The following MGRN1 variants were observed in gnomAD, a reference collection of about 807,000 sequenced individuals.
MGRN1 encodes mahogunin ring finger 1, also known as E3 ubiquitin-protein ligase MGRN1.
Under a neutral mutation model 69.2 loss-of-function variants are expected in MGRN1, and 29 were observed. That is an observed-to-expected ratio of 0.42 (90% CI 0.31 to 0.57). The LOEUF is 0.57. MGRN1 is among the 20% of genes least tolerant of loss of function. The probability of loss-of-function intolerance (pLI) is 0.15; values close to 1 mark genes in which losing one functional copy is unlikely to be tolerated. For missense variants in MGRN1, 998 were observed against 796.2 expected (o/e 1.25, Z -3.05); for synonymous variants, 470 against 344.2 (o/e 1.37, Z -4.04).
intron 12 of MGRN1, chr16:4,680,420 C>T (rs1255458542): frequency 1.6e-5 from 5 of 316,310 alleles, no homozygotes; most frequent in Non-Finnish European, 2.4e-5. Context: ...GTCGCTGCTG[C>T]GTTTTGCAAT....
At chr16:4,676,437 A>G (rs1054327296) in intron 10 of MGRN1, among the ~76,000 whole-genome samples, 1 of 152,166 alleles carries the variant, frequency 6.6e-6, no homozygotes, top group African/African-American at 2.4e-5. Context: ...ACCGAGTCCA[A>G]TTCTGGAATC....
At chr16:4,661,342 GCCTTGGCCA>G (rs2078676262) in intron 5 of MGRN1, among the ~76,000 whole-genome samples, 1 of 152,140 alleles carries the variant, frequency 6.6e-6, no homozygotes, top group Non-Finnish European at 1.5e-5. Context: ...AGGATTGGCC[GCCTTGGCCA>G]CCTTTCGCAC....
rs778961295 is a variant in MGRN1, at chr16:4,668,268, A to G, written c.682A>G (p.Met228Val). Residue 228 changes from methionine to valine, a missense_variant, in exon 8 of 17, where the codon ATG becomes GTG. By Grantham distance (21) the Met-to-Val change is conservative. Transcript: ENST00000262370. ...TCTTTGTCTTTCTCCCCTGCAGCAC[A>G]TGGACGGCAGCTTCTCTGTGAAGCC... Reference protein sequence around the residue: ...HVLLAAFEKHMDGSFSVKPLK... With the variant: ...HVLLAAFEKHVDGSFSVKPLK... The G allele has an allele frequency of 1.1e-5, 17 of 1,613,876 alleles. No individual in the cohort carries two copies. Among genetic ancestry groups the G allele is most frequent in the Admixed American group, 3.3e-5 (2 of 59,976 alleles).
At chr16:4,658,146 G>C (rs112164240) in intron 5 of MGRN1, among the ~76,000 whole-genome samples, 1 of 152,124 alleles carries the variant, frequency 6.6e-6, no homozygotes, top group Admixed American at 6.6e-5. Flanking sequence ...AGTCAAAGCT[G>C]TGTCCTCCCT....
Position 4,690,571 on chromosome 16 carries a change from TGCAC to T in MGRN1, c.*1666_*1669del, listed in dbSNP as rs1424177467. 3 of 152,470 alleles carry T rather than the reference TGCAC, an allele frequency of 2.0e-5. No homozygotes were observed. The East Asian group carries it at 5.8e-4, about 29-fold the overall frequency. The allele number at this position is 152,470 out of a possible 1,614,324, so 9.4% of individuals were successfully genotyped here. ...GCGCTCACACGTACACACACACAAA[TGCAC>T]GCCCACTTGCACATGCTCACGCACA... On this transcript the variant is annotated 3_prime_UTR_variant, in exon 17 of 17. Transcript: ENST00000262370.
chr16:4,643,992 A>T (rs1037637431), intron 1 of MGRN1, among the ~76,000 whole-genome samples: 21 of 151,314 alleles, frequency 1.4e-4, no homozygotes, highest in African/African-American at 4.4e-4. Context: ...GTTTTTTTTG[A>T]GATGGAGTCT....
At chr16:4,663,837 C>T (rs987231118) in intron 5 of MGRN1, among the ~76,000 whole-genome samples, 25 of 152,160 alleles carry the variant, frequency 1.6e-4, no homozygotes, top group African/African-American at 6.0e-4. Flanking sequence ...GCCCTGGGGG[C>T]CGTGGGGAAG....
intron 4 of MGRN1, among the ~76,000 whole-genome samples, chr16:4,655,317 G>T (rs1412154205): frequency 6.6e-6 from 1 of 152,204 alleles, no homozygotes; most frequent in Admixed American, 6.5e-5. Flanking sequence ...TACCAGAAAG[G>T]CTAGAGAGAG....
At chr16:4,632,561 T>G (rs929861732) in intron 1 of MGRN1, among the ~76,000 whole-genome samples, 3 of 152,064 alleles carry the variant, frequency 2.0e-5, no homozygotes, top group Admixed American at 2.0e-4. Flanking sequence ...GTCTGGCTAA[T>G]TTTTTTGTAT....
intron 16 of MGRN1, chr16:4,686,123 C>G (rs545353728): frequency 3.8e-6 from 4 of 1,058,110 alleles, no homozygotes; most frequent in Admixed American, 5.2e-5. Flanking sequence ...CCTTGTGGTT[C>G]TCTGTGGTTG....
chr16:4,647,512 G>T (rs766101064), intron 1 of MGRN1, among the ~76,000 whole-genome samples: 1 of 152,168 alleles, frequency 6.6e-6, no homozygotes, highest in Admixed American at 6.5e-5. Context: ...TCCACCCCTC[G>T]TCTGCTCTGC....
At chr16:4,686,237 GTC>G (rs778218346) in intron 16 of MGRN1, 3 of 1,541,132 alleles carry the variant, frequency 1.9e-6, no homozygotes, top group African/African-American at 1.4e-5. Context: ...GCTTCCGTCT[GTC>G]TCTCCCCCTC....
chr16:4,668,980 A>G (rs1270774536), intron 8 of MGRN1: 1 of 152,120 alleles, frequency 6.6e-6, no homozygotes, highest in Non-Finnish European at 1.5e-5. Context: ...TCACTCACGC[A>G]CATATACAAA....
chr16:4,676,129 G>T (rs1407419735), intron 10 of MGRN1, among the ~76,000 whole-genome samples: 1 of 152,244 alleles, frequency 6.6e-6, no homozygotes, highest in Non-Finnish European at 1.5e-5. Context: ...GGGGTCACTG[G>T]ATGTGTCCAG....
chr16:4,681,423 C>G, intron 12 of MGRN1, 127 bp from the exon 13 acceptor site: 2 of 887,772 alleles, frequency 2.3e-6, no homozygotes, highest in Non-Finnish European at 3.4e-6. Flanking sequence ...GAGCTCTTGG[C>G]CACCCTCTGA....
chr16:4,624,897 G>C lies in MGRN1; in HGVS notation c.-64G>C. On this transcript the variant is annotated 5_prime_UTR_variant, in exon 1 of 17. Coordinates refer to ENST00000262370, the MANE Select transcript of MGRN1 (RefSeq NM_015246.4). ...CTGGTCCGGGCCATGTCCGCGTGAG[G>C]ACCCCGCCGCTGTCGCCGCTCCCGT... 1.4e-6 allele frequency: 2 copies of C among 1,404,580 alleles called. No homozygotes were observed. Among genetic ancestry groups the C allele is most frequent in the Non-Finnish European group, 1.9e-6 (2 of 1,047,940 alleles). 87.0% of individuals were successfully genotyped at this position (1,404,580 alleles called of 1,614,324 possible).
At position 4,681,568 on chromosome 16, in the gene MGRN1, C is replaced by A; in HGVS notation, c.1150C>A (p.Pro384Thr). 6.2e-7 allele frequency: 1 copy of A among 1,613,144 alleles called. No homozygotes were observed. Among genetic ancestry groups the A allele is most frequent in the South Asian group, 1.1e-5 (1 of 91,008 alleles). ...KRETNSDSVPPGYEPISLLEA... is the reference protein window; with the variant it reads ...KRETNSDSVPTGYEPISLLEA... ...CCTACAGAACTCTGACAGCGTCCCA[C>A]CTGGCTACGAGCCCATCTCGCTGCT... is the stretch of plus-strand genomic sequence containing the variant. The change falls in exon 13 of 17, where the codon CCT becomes ACT. Residue 384 changes from proline to threonine, a missense_variant. Coordinates refer to ENST00000262370, the MANE Select transcript of MGRN1 (RefSeq NM_015246.4).
chr16:4,646,404 C>A (rs560247201), intron 1 of MGRN1, among the ~76,000 whole-genome samples: 2 of 151,090 alleles, frequency 1.3e-5, no homozygotes, highest in South Asian at 2.1e-4. Context: ...ACCTCGGCGA[C>A]AGAGCAAGAC....
chr16:4,664,645 C>G (rs2078757499), intron 5 of MGRN1, 64 bp from the exon 6 acceptor site: 3 of 1,557,566 alleles, frequency 1.9e-6, no homozygotes, highest in Non-Finnish European at 2.7e-6. Flanking sequence ...CATTTGTTGA[C>G]CGACTCCAGG....
Sources: gnomAD v4.1 joint callset for allele counts (sites outside exome capture counted in the v4.1 genomes callset) on GRCh38, gnomAD v4.1.1 for gene constraint, MANE v1.5 for transcripts, NCBI Gene and HGNC (gene_info 2026-07-23, HGNC 2026-07-21) for gene names.